The following MYO15B variants were observed in gnomAD, a reference collection of about 807,000 sequenced individuals.
MYO15B encodes the protein myosin XVB, also known as myosin XVB pseudogene.
MYO15B carries 207 observed loss-of-function variants against 119.3 expected under a neutral mutation model. The observed-to-expected ratio is 1.73, with a 90% CI of 1.55 to 1.95. The LOEUF (loss-of-function observed/expected upper bound fraction) is 1.95. Ranked by LOEUF, MYO15B falls within the 30% of genes most tolerant of loss-of-function variation. The probability of loss-of-function intolerance (pLI) is 0.00; values close to 1 mark genes in which losing one functional copy is unlikely to be tolerated. For missense variants in MYO15B, 2,264 were observed against 1,203.1 expected, an observed-to-expected ratio of 1.88 and a Z score of -13.04; for synonymous variants, 966 against 498.9, an observed-to-expected ratio of 1.94 and a Z score of -12.48.
Position 75,605,148 on chromosome 17 carries a change from A to C in MYO15B, c.4017-356A>C, listed in dbSNP as rs2057546272. On this transcript the variant is annotated intron_variant, in intron 19 of 63. Coordinates refer to ENST00000645453, the Ensembl canonical transcript of MYO15B. ...ATGAAACTCTGTCTCAAAAAAAAAA[A>C]CCAAAAAGGCCGGGCGCAGTGGCTC... Among the ~76,000 whole-genome samples, 5 of 143,222 alleles carry C rather than the reference A, an allele frequency of 3.5e-5. No homozygotes were observed. The South Asian group carries it at 6.7e-4, about 19-fold the overall frequency. The allele number at this position is 143,222 out of a possible 152,430, so 94.0% of individuals were successfully genotyped here.
exon 1 of MYO15B, chr17:75,590,169 G>A (rs1288929995): frequency 5.0e-6 from 2 of 399,104 alleles, no homozygotes; most frequent in Non-Finnish European, 8.8e-6. Flanking sequence ...GCCTGGAGGC[G>A]CCACCCTTCC....
rs775324107 is a variant in MYO15B at position 75,626,526 on chromosome 17, C to G, written c.*42C>G. The G allele has an allele frequency of 1.4e-5, 10 of 702,706 alleles. No homozygotes were observed. In the South Asian group the frequency reaches 1.5e-4, roughly 10 times the overall value. 43.5% of individuals were successfully genotyped at this position (702,706 alleles called of 1,614,324 possible). ...GGAGAGAAGAGGATGAGGCCTCCCC[C>G]GGCCCAAGTCTCACCCACATGGTCT... On this transcript the variant is annotated 3_prime_UTR_variant, in exon 64 of 64. Coordinates refer to ENST00000645453, the Ensembl canonical transcript of MYO15B.
chr17:75,607,831 G>A (rs1392093540), intron 21 of MYO15B, among the ~76,000 whole-genome samples: 2 of 152,070 alleles, frequency 1.3e-5, no homozygotes, highest in African/African-American at 4.8e-5. Flanking sequence ...CTATCATATG[G>A]TAATTCTATG....
At chr17:75,609,055 G>A (rs12602940) in intron 21 of MYO15B, among the ~76,000 whole-genome samples, 33,286 of 151,770 alleles carry the variant, frequency 0.22, 4,094 homozygotes, top group Non-Finnish European at 0.29. Context: ...TAGTAGAGAC[G>A]GGGATTCACC....
chr17:75,591,330 C>T, intron 4 of MYO15B, 84 bp downstream of exon 4: 2 of 676,276 alleles, frequency 3.0e-6, no homozygotes, highest in Admixed American at 2.1e-5. Flanking sequence ...TCACTGGAAG[C>T]CACTGGTATG....
At chr17:75,616,410 G>GAGGAGC (rs2058374570) in exon 38 of MYO15B, 8 of 624,664 alleles carry the variant, frequency 1.3e-5, no homozygotes, top group Admixed American at 8.0e-5. Flanking sequence ...GGAGGAGGAG[G>GAGGAGC]AGGAGCAGGA....
At position 75,612,960 on chromosome 17, in the gene MYO15B, G is replaced by T. The variant is rs955269323; in HGVS notation, c.4732-14G>T. On this transcript the variant is annotated splice_polypyrimidine_tract_variant and intron_variant, in intron 26 of 63. Coordinates refer to ENST00000645453, the Ensembl canonical transcript of MYO15B. ...AGCCCCGCACGTCCTGTCCTTACCC[G>T]GCTGTGTCGGCAGATGCTGCGGCTC... 1 of 687,490 alleles carries T rather than the reference G, an allele frequency of 1.5e-6. No individual in the cohort carries two copies. The highest frequency in any genetic ancestry group is 2.7e-6 in the Non-Finnish European group (1 of 373,374). The allele number at this position is 687,490 out of a possible 1,614,324, so 42.6% of individuals were successfully genotyped here. A position where few individuals can be genotyped will look rare whatever the true frequency, so the allele number is the denominator to read the frequency against.
exon 59 of MYO15B, chr17:75,624,888 C>T (rs2058935050): frequency 2.8e-6 from 2 of 703,016 alleles, no homozygotes; most frequent in Non-Finnish European, 5.2e-6. Flanking sequence ...TTCGATAACT[C>T]CACCTACATC....
In MYO15B at chr17:75,610,147, G is replaced by A. The variant is rs868694489; in HGVS notation, c.4293-19G>A. The stretch of plus-strand genomic sequence containing the variant: ...AGTTTGGACTCTTCATTTCGCCCCC[G>A]CTCTTTCCCGGCCTCCAGGAAGCGG... On this transcript the variant is annotated intron_variant, in intron 21 of 63. Coordinates refer to ENST00000645453, the Ensembl canonical transcript of MYO15B. 31 of 693,532 alleles carry A rather than the reference G, an allele frequency of 4.5e-5. No individual in the cohort carries two copies. The highest frequency in any genetic ancestry group is 7.9e-5 in the Non-Finnish European group (30 of 379,264). 43.0% of individuals were successfully genotyped at this position (693,532 alleles called of 1,614,324 possible).
intron 21 of MYO15B, 94 bp downstream of exon 21, chr17:75,606,115 C>A (rs1156598707): frequency 3.3e-6 from 2 of 597,760 alleles, no homozygotes; most frequent in East Asian, 5.6e-5. Flanking sequence ...AACATAGGGC[C>A]TCAAGGCAAG....
exon 58 of MYO15B, chr17:75,624,548 A>G (rs760123206): frequency 2.8e-6 from 2 of 702,922 alleles, no homozygotes; most frequent in East Asian, 2.7e-5. Flanking sequence ...CCCAGGTAGC[A>G]GCAGAAGTGC....
At position 75,624,762 on chromosome 17, in the gene MYO15B, C is replaced by A; in HGVS notation, c.8543-9C>A. On this transcript the variant is annotated splice_polypyrimidine_tract_variant and intron_variant, in intron 58 of 63. Transcript: ENST00000645453. Reference sequence around the variant, plus strand: ...TCTGAGCAGCAGTGGACCTAGGCTCCCCATGCAGGCCAGCTGGTGCGGCCC... The same window carrying A: ...TCTGAGCAGCAGTGGACCTAGGCTCACCATGCAGGCCAGCTGGTGCGGCCC... The A allele has an allele frequency of 1.4e-6, 1 of 702,782 alleles. No individual in the cohort carries two copies. Among genetic ancestry groups the A allele is most frequent in the Non-Finnish European group, 2.6e-6 (1 of 384,898 alleles). The allele number at this position is 702,782 out of a possible 1,614,324, so 43.5% of individuals were successfully genotyped here. A position where few individuals can be genotyped will look rare whatever the true frequency, so the allele number is the denominator to read the frequency against.
At chr17:75,618,130 T>A (rs2058489334) in exon 43 of MYO15B, 2 of 703,120 alleles carry the variant, frequency 2.8e-6, no homozygotes, top group East Asian at 2.7e-5. Flanking sequence ...CTCCAGGTGT[T>A]CTACCCACGG....
chr17:75,626,586 T>C, exon 64 of MYO15B: 1 of 678,350 alleles, frequency 1.5e-6, no homozygotes, highest in Non-Finnish European at 2.7e-6. Context: ...TTCTAGAACC[T>C]GCCTCAGCAC....
rs1568233706 is a variant in MYO15B, at chr17:75,624,225, G to A, written c.8323G>A (p.Gly2775Arg). The A allele has an allele frequency of 4.3e-6, 3 of 703,000 alleles. No homozygotes were observed. In the Admixed American group the frequency reaches 6.0e-5, roughly 14 times the overall value. 43.5% of individuals were successfully genotyped at this position (703,000 alleles called of 1,614,324 possible). Residue 2775 changes from glycine (G) to arginine (R), a missense_variant, in exon 56 of 64, where the codon GGG (glycine) becomes AGG (arginine). Coordinates refer to ENST00000645453, the Ensembl canonical transcript of MYO15B. ...CCTCCAGCGCACAGTCAAATATGGG[G>A]GGCGCCGGCGGATGCCCCCACCGGG...
chr17:75,595,181 C>T, intron 12 of MYO15B: 1 of 597,820 alleles, frequency 1.7e-6, no homozygotes, highest in South Asian at 2.0e-5. Flanking sequence ...GGGGCTGCCT[C>T]TGAGGATTTA....
chr17:75,604,355 C>A (rs893428735), intron 19 of MYO15B, among the ~76,000 whole-genome samples: 1 of 152,134 alleles, frequency 6.6e-6, no homozygotes, highest in East Asian at 1.9e-4. Context: ...ATCCCCAGAA[C>A]CTGCACGGTG....
In MYO15B at chr17:75,620,264, G is replaced by A. The variant is rs192357835; in HGVS notation, c.7462G>A (p.Ala2488Thr). 33 of 702,618 alleles carry A rather than the reference G, an allele frequency of 4.7e-5. No homozygotes were observed. The Admixed American group carries it at 5.8e-4, about 12-fold the overall frequency. 43.5% of individuals were successfully genotyped at this position (702,618 alleles called of 1,614,324 possible). The change falls in exon 48 of 64, where the codon GCC becomes ACC. Residue 2488 changes from alanine to threonine, a missense_variant. By Grantham distance (58) the Ala-to-Thr change is moderately conservative. Coordinates refer to ENST00000645453, the Ensembl canonical transcript of MYO15B. ...CCCACAGGACTCCGGCTATGTCATC[G>A]CCCTGCGCAGCTACATCACTGACAA...
At chr17:75,599,812 A>G (rs1482025183) in intron 14 of MYO15B, among the ~76,000 whole-genome samples, 2 of 149,966 alleles carry the variant, frequency 1.3e-5, no homozygotes, top group African/African-American at 4.9e-5. Flanking sequence ...GGAGAATGGC[A>G]TGAACCCGGG....
Sources: allele counts gnomAD v4.1 joint callset (sites outside exome capture counted in the v4.1 genomes callset), GRCh38; gene constraint gnomAD v4.1.1; transcripts MANE v1.5; gene names NCBI Gene and HGNC (gene_info 2026-07-23, HGNC 2026-07-21).